The following SAMTOR variants were observed in gnomAD, a reference collection of about 807,000 sequenced individuals.
The protein encoded by SAMTOR is S-adenosylmethionine sensor upstream of mTORC1.
At chr7:112,852,594 A>G in the SAMTOR span, among the ~76,000 whole-genome samples, 4 of 148,914 alleles carry the variant, frequency 2.7e-5, no homozygotes, top group Non-Finnish European at 5.9e-5. Flanking sequence ...AATCTATTCA[A>G]ATAATAAAAA....
At chr7:112,876,265 T>A in the SAMTOR span, among the ~76,000 whole-genome samples, 1 of 151,732 alleles carries the variant, frequency 6.6e-6, no homozygotes, top group African/African-American at 2.4e-5. Context: ...TGGACTGCAG[T>A]TGAGACTTCT....
the SAMTOR span, among the ~76,000 whole-genome samples, chr7:112,892,791 T>C: frequency 6.6e-6 from 1 of 151,394 alleles, no homozygotes; most frequent in South Asian, 2.1e-4. Context: ...AAAATAATAA[T>C]AATATGACCT....
At chr7:112,860,578 A>C in the SAMTOR span, among the ~76,000 whole-genome samples, 2 of 152,298 alleles carry the variant, frequency 1.3e-5, no homozygotes, top group East Asian at 3.9e-4. Flanking sequence ...TTTGCAAAAA[A>C]AACTAAAACT....
chr7:112,833,147 G>T, the SAMTOR span, among the ~76,000 whole-genome samples: 3 of 151,880 alleles, frequency 2.0e-5, no homozygotes, highest in South Asian at 6.2e-4. Context: ...AATTGAAGAT[G>T]AATGAATTCT....
At chr7:112,932,864 C>T in the SAMTOR span, among the ~76,000 whole-genome samples, 1 of 152,132 alleles carries the variant, frequency 6.6e-6, no homozygotes, top group African/African-American at 2.4e-5. Flanking sequence ...AGACCAACCA[C>T]GAAGAGGTCA....
At chr7:112,905,070 A>G in the SAMTOR span, among the ~76,000 whole-genome samples, 3 of 152,160 alleles carry the variant, frequency 2.0e-5, no homozygotes, top group African/African-American at 7.2e-5. Context: ...ACTCAAGACC[A>G]TATACCAGAC....
chr7:112,883,719 T>C, the SAMTOR span, among the ~76,000 whole-genome samples: 1 of 152,360 alleles, frequency 6.6e-6, no homozygotes, highest in East Asian at 1.9e-4. Context: ...TTGGAAAGTA[T>C]GATGATGACA....
At chr7:112,827,649 G>T in the SAMTOR span, among the ~76,000 whole-genome samples, 1 of 152,110 alleles carries the variant, frequency 6.6e-6, no homozygotes, top group Non-Finnish European at 1.5e-5. Flanking sequence ...GTCATCTCTA[G>T]ATTACTTATA....
chr7:112,908,203 CTAAA>C, the SAMTOR span, among the ~76,000 whole-genome samples: 25 of 152,150 alleles, frequency 1.6e-4, no homozygotes, highest in African/African-American at 6.0e-4. Context: ...CATTGGTAGA[CTAAA>C]TAAAGCAGAC....
the SAMTOR span, among the ~76,000 whole-genome samples, chr7:112,858,363 G>C: frequency 6.5e-4 from 98 of 151,270 alleles, no homozygotes; most frequent in African/African-American, 2.2e-3. Flanking sequence ...ACTAGATACA[G>C]AATGTTTACC....
the SAMTOR span, among the ~76,000 whole-genome samples, chr7:112,907,829 G>T: frequency 7.3e-6 from 1 of 136,298 alleles, no homozygotes; most frequent in Non-Finnish European, 1.6e-5. Context: ...AGAGAAATGG[G>T]TATTCTTACT....
At chr7:112,920,988 G>A in the SAMTOR span, among the ~76,000 whole-genome samples, 3 of 152,176 alleles carry the variant, frequency 2.0e-5, no homozygotes, top group Admixed American at 6.5e-5. Flanking sequence ...TCATGGATAG[G>A]AAGAATCAAT....
the SAMTOR span, among the ~76,000 whole-genome samples, chr7:112,848,329 A>T: frequency 6.6e-6 from 1 of 152,328 alleles, no homozygotes; most frequent in South Asian, 2.1e-4. Context: ...CATTAAAAAT[A>T]CTTTACATGT....
chr7:112,891,507 A>T, the SAMTOR span, among the ~76,000 whole-genome samples: 1 of 152,240 alleles, frequency 6.6e-6, no homozygotes, highest in Non-Finnish European at 1.5e-5. Flanking sequence ...ATTCAAGTTT[A>T]GCATTTTTAA....
chr7:112,912,032 AATAC>A, the SAMTOR span, among the ~76,000 whole-genome samples: 1 of 151,010 alleles, frequency 6.6e-6, no homozygotes, highest in African/African-American at 2.4e-5. Context: ...TTTAGAAAAA[AATAC>A]ATATATATAT....
the SAMTOR span, among the ~76,000 whole-genome samples, chr7:112,890,313 T>A: frequency 3.9e-5 from 6 of 152,084 alleles, no homozygotes; most frequent in Non-Finnish European, 8.8e-5. Flanking sequence ...GGCTACTAAA[T>A]TATGCAGATA....
chr7:112,884,839 C>G, the SAMTOR span, among the ~76,000 whole-genome samples: 153 of 152,342 alleles, frequency 1.0e-3, no homozygotes, highest in Admixed American at 1.6e-3. Context: ...AGTAGGGACT[C>G]TGTGTGGAGG....
At chr7:112,937,696 C>T in the SAMTOR span, among the ~76,000 whole-genome samples, 1 of 149,864 alleles carries the variant, frequency 6.7e-6, no homozygotes, top group Non-Finnish European at 1.5e-5. Flanking sequence ...CGGTGAAATT[C>T]AGGGTATTAA....
At chr7:112,901,766 C>G in the SAMTOR span, among the ~76,000 whole-genome samples, 2 of 152,172 alleles carry the variant, frequency 1.3e-5, no homozygotes, top group Non-Finnish European at 2.9e-5. Flanking sequence ...GAACAGACAT[C>G]TCATCAAAGA....
Sources: allele counts gnomAD v4.1 joint callset (sites outside exome capture counted in the v4.1 genomes callset), GRCh38; gene constraint gnomAD v4.1.1; transcripts MANE v1.5; gene names NCBI Gene and HGNC (gene_info 2026-07-23, HGNC 2026-07-21).